Variants in CCDC47 observed in about 807,000 individuals in gnomAD.
CCDC47 encodes PAT complex subunit CCDC47.
Under a neutral mutation model 60.5 loss-of-function variants are expected in CCDC47, and 41 were observed. The ratio of observed to expected loss-of-function variants is 0.68; its 90% confidence interval spans 0.53 to 0.88. The LOEUF is 0.88. Ranked by LOEUF, CCDC47 falls within the 40% of genes least tolerant of loss-of-function variation. The probability of loss-of-function intolerance (pLI) is 0.00; values close to 1 mark genes in which losing one functional copy is unlikely to be tolerated. For synonymous variants in CCDC47, 195 were observed against 190.7 expected, an observed-to-expected ratio of 1.02 and a Z score of -0.18; for missense variants, 513 against 580.9, an observed-to-expected ratio of 0.88 and a Z score of 1.20.
At chr17:63,747,267 G>T (rs1330012426) in intron 12 of CCDC47, 1 of 984,674 alleles carries the variant, frequency 1.0e-6, no homozygotes, top group African/African-American at 1.8e-5. Context: ...CTGTACCCAG[G>T]GAACACTTAG....
chr17:63,757,376 T>TAAA (rs200173061), intron 6 of CCDC47, among the ~76,000 whole-genome samples: 2,298 of 131,546 alleles, frequency 0.017, 57 homozygotes, highest in African/African-American at 0.063. Flanking sequence ...CAAAAAAAAT[T>TAAA]AAAAAAAAAA....
intron 6 of CCDC47, among the ~76,000 whole-genome samples, chr17:63,759,565 A>G (rs1489044686): frequency 1.2e-5 from 1 of 86,836 alleles, no homozygotes; most frequent in Non-Finnish European, 2.2e-5. Flanking sequence ...ATATATATAT[A>G]TATATATATA....
At chr17:63,747,919 A>G (rs2039132689) in intron 12 of CCDC47, 1 of 327,780 alleles carries the variant, frequency 3.1e-6, no homozygotes, top group Non-Finnish European at 4.4e-6. Flanking sequence ...CAGTGGCACA[A>G]TCTCGGGTCA....
At chr17:63,766,239 T>C (rs2039297682) in intron 1 of CCDC47, 45 bp from the exon 2 acceptor site, 1 of 1,518,764 alleles carries the variant, frequency 6.6e-7, no homozygotes, top group South Asian at 1.3e-5. Context: ...ATTCTATACA[T>C]ACTGATCAGA....
chr17:63,769,543 G>A (rs1389268556), intron 1 of CCDC47, among the ~76,000 whole-genome samples: 1 of 150,980 alleles, frequency 6.6e-6, no homozygotes, highest in Non-Finnish European at 1.5e-5. Flanking sequence ...GAATCAGGAG[G>A]TGGAGGTTGC....
intron 11 of CCDC47, 26 bp from the exon 12 acceptor site, chr17:63,752,133 T>C: frequency 6.2e-7 from 1 of 1,608,212 alleles, no homozygotes; most frequent in Non-Finnish European, 8.5e-7. Flanking sequence ...AAGTATTTCA[T>C]AAGAAATCCA....
chr17:63,772,259 T>TG (rs1243255733), intron 1 of CCDC47, among the ~76,000 whole-genome samples: 3 of 142,546 alleles, frequency 2.1e-5, no homozygotes, highest in Non-Finnish European at 4.6e-5. Context: ...GGTTTTTTTT[T>TG]TTTTTTTTTT....
intron 4 of CCDC47, among the ~76,000 whole-genome samples, chr17:63,763,049 T>C (rs1032036627): frequency 7.2e-5 from 11 of 152,130 alleles, no homozygotes; most frequent in African/African-American, 4.8e-5. Flanking sequence ...TCCCAAGTAG[T>C]TGGGACCACA....
rs989936901 is a variant in CCDC47, at chr17:63,764,181, G to A, written c.382C>T (p.His128Tyr). The A allele has an allele frequency of 1.3e-6, 2 of 1,594,394 alleles. No homozygotes were observed. Among genetic ancestry groups the A allele is most frequent in the African/African-American group, 2.7e-5 (2 of 73,734 alleles). The change falls in exon 4 of 13, where the codon CAC (histidine) becomes TAC (tyrosine). Residue 128 changes from histidine to tyrosine, a missense_variant. Transcript: ENST00000225726. ...TAACTCTCCCAGCTGTTCTGGAGGT[G>A]TGCAGGAACCTAAAAAAGCAAAATC... ...DPITIVDVPA[H>Y]LQNSWESYYL... is the part of the protein sequence containing the mutation.
At chr17:63,747,404 C>T (rs1220159876) in intron 12 of CCDC47, 1 of 981,692 alleles carries the variant, frequency 1.0e-6, no homozygotes, top group Non-Finnish European at 1.2e-6. Flanking sequence ...TTGCAAATTT[C>T]TTATTAGCAC....
chr17:63,772,731 G>T (rs976875265), intron 1 of CCDC47: 11 of 152,130 alleles, frequency 7.2e-5, no homozygotes, highest in African/African-American at 2.7e-4. Context: ...CTATAATGGA[G>T]ATCCTTCAAG....
At chr17:63,757,327 C>T (rs2039215300) in intron 6 of CCDC47, among the ~76,000 whole-genome samples, 2 of 149,710 alleles carry the variant, frequency 1.3e-5, no homozygotes, top group South Asian at 2.1e-4. Context: ...AAGTGATGAT[C>T]GTGCACTCCA....
In CCDC47 at chr17:63,754,465, T is replaced by C. The variant is rs776266308; in HGVS notation, c.1002A>G (p.Ser334=). The change falls in exon 9 of 13, where the codon TCA becomes TCG. Residue 334 remains serine, a synonymous_variant. Transcript: ENST00000225726. ...TAATTTTTGGACCAGAGAACTGGTC[T>C]GAAAAATGAACAGATTCAATCTTGT... ...YADKIESVHF[S]DQFSGPKIMQ... The C allele has an allele frequency of 6.2e-7, 1 of 1,608,584 alleles. No homozygotes were observed. Among genetic ancestry groups the C allele is most frequent in the Non-Finnish European group, 8.5e-7 (1 of 1,176,594 alleles).
chr17:63,757,770 AG>A (rs2039218679), intron 6 of CCDC47, among the ~76,000 whole-genome samples: 1 of 152,224 alleles, frequency 6.6e-6, no homozygotes, highest in African/African-American at 2.4e-5. Flanking sequence ...GAGCTCCTAA[AG>A]CCCTTTGAAT....
chr17:63,759,519 ATATATATTT>A lies in CCDC47; in HGVS notation c.735+1386_735+1394del, dbSNP rs1568249101. Among the ~76,000 whole-genome samples the A allele has an allele frequency of 7.6e-3, 102 of 13,450 alleles. 31 individuals carry two copies. Among genetic ancestry groups the A allele is most frequent in the African/African-American group, 0.065 (91 of 1,404 alleles). 8.8% of individuals were successfully genotyped at this position (13,450 alleles called of 152,430 possible). ...AAAAAAAAAAAAAAAATATATATAT[ATATATATTT>A]ATATATATATATATATATATATATA... On this transcript the variant is annotated intron_variant, in intron 6 of 12. Transcript: ENST00000225726.
chr17:63,750,601 T>C (rs1410598358), intron 12 of CCDC47, among the ~76,000 whole-genome samples: 3 of 152,132 alleles, frequency 2.0e-5, no homozygotes, highest in African/African-American at 7.2e-5. Flanking sequence ...TTTTTTTTTT[T>C]TGAGACAGGG....
At position 63,760,921 on chromosome 17, in the gene CCDC47, T is replaced by G. The variant is rs140415194; in HGVS notation, c.728A>C (p.Asp243Ala). The change falls in exon 6 of 13, where the codon GAT becomes GCT. Residue 243 changes from aspartate to alanine, a missense_variant. Asp to Ala is a moderately radical substitution (Grantham distance 126, BLOSUM62 -2). Transcript: ENST00000225726. The part of the protein sequence containing the change: ...VLARMMRPVS[D>A]QVQIKVTMND... ...AGCGGGAAGAATACATACCACTTGA[T>G]CACTCACTGGCCTCATCATCCGGGC... 5 of 1,610,202 alleles carry G rather than the reference T, an allele frequency of 3.1e-6. No homozygotes were observed. The African/African-American group carries it at 6.7e-5, about 22-fold the overall frequency.
intron 9 of CCDC47, among the ~76,000 whole-genome samples, chr17:63,753,835 T>C (rs541796361): frequency 2.8e-4 from 43 of 152,176 alleles, no homozygotes; most frequent in Admixed American, 2.6e-3. Flanking sequence ...GACTGGGGCA[T>C]GGTGGCTCAC....
In CCDC47 at chr17:63,764,791, G is replaced by C; in HGVS notation, c.321C>G (p.Asp107Glu). The C allele has an allele frequency of 6.2e-7, 1 of 1,613,518 alleles. No individual in the cohort carries two copies. The highest frequency in any genetic ancestry group is 8.5e-7 in the Non-Finnish European group (1 of 1,179,920). ...YDDEEFEGYEDKPDTSSSKNK... is the reference protein window; with the variant it reads ...YDDEEFEGYEEKPDTSSSKNK... Reference sequence around the variant, plus strand: ...TTTTGCTAGAAGAAGTATCTGGTTTGTCTTCATAACCTTCAAATTCTTCAT... The same window carrying C: ...TTTTGCTAGAAGAAGTATCTGGTTTCTCTTCATAACCTTCAAATTCTTCAT... Residue 107 changes from aspartate (D) to glutamate (E), a missense_variant, in exon 3 of 13, where the codon GAC (aspartate) becomes GAG (glutamate). Physicochemically the swap from Asp to Glu is conservative, Grantham distance 45. Transcript: ENST00000225726.
Sources: allele counts gnomAD v4.1 joint callset (sites outside exome capture counted in the v4.1 genomes callset), GRCh38; gene constraint gnomAD v4.1.1; transcripts MANE v1.5; gene names NCBI Gene and HGNC (gene_info 2026-07-23, HGNC 2026-07-21).